The following CES5A variants were observed in gnomAD, a reference collection of about 807,000 sequenced individuals.
The protein encoded by CES5A is carboxylesterase 5A.
Under a neutral mutation model 62.9 loss-of-function variants are expected in CES5A, and 67 were observed. The observed-to-expected ratio is 1.07, with a 90% confidence interval of 0.88 to 1.31. The LOEUF is 1.31. CES5A is among the 50% of genes most tolerant of loss of function. The probability of loss-of-function intolerance (pLI) is 0.00; values close to 1 mark genes in which losing one functional copy is unlikely to be tolerated. For missense variants in CES5A, 748 were observed against 708.5 expected (o/e 1.06, Z -0.63); for synonymous variants, 296 against 280.8 (o/e 1.05, Z -0.54).
At position 55,871,625 on chromosome 16, in the gene CES5A, G is replaced by C. The variant is rs146474777; in HGVS notation, c.417C>G (p.Pro139=). The C allele has an allele frequency of 2.5e-5, 40 of 1,613,876 alleles. No homozygotes were observed. The highest frequency in any genetic ancestry group is 4.0e-5 in the African/African-American group (3 of 74,912). ...CGAAGCACACAGCAGGCAGCCTTAC[G>C]GGGAGCTTGGAGCCTGTATCGGCGT... ...PAHADTGSKL[P]VLVWFPGGAF... The change falls in exon 3 of 13, where the codon CCC becomes CCG. Residue 139 remains proline (P), a splice_region_variant and synonymous_variant. Coordinates refer to ENST00000290567, the MANE Select transcript of CES5A (RefSeq NM_001143685.2).
At chr16:55,938,735 C>CAAAA (rs1171756916) in intron 2 of CES5A, among the ~76,000 whole-genome samples, 2 of 29,130 alleles carry the variant, frequency 6.9e-5, no homozygotes, top group African/African-American at 2.0e-4. Context: ...GACTCCATCT[C>CAAAA]AAAAAAAAAA....
In CES5A at chr16:55,895,733, C is replaced by T. The variant is rs113900787; in HGVS notation, c.-255-21696G>A. ...TTGGATAGAATGATTGTATTTTACA[C>T]GTGAGAAGAACATGAGTTTGGGGGA... On this transcript the variant is annotated intron_variant, in intron 1 of 12. Coordinates refer to the CES5A transcript ENST00000518005. Among the ~76,000 whole-genome samples, 928 of 152,242 alleles carry T rather than the reference C, an allele frequency of 6.1e-3. 6 individuals are homozygous for T. Among genetic ancestry groups the T allele is most frequent in the Non-Finnish European group, 7.9e-3 (534 of 68,024 alleles).
intron 1 of CES5A, among the ~76,000 whole-genome samples, chr16:55,901,598 G>T (rs1349392895): frequency 6.6e-6 from 1 of 152,078 alleles, no homozygotes; most frequent in Admixed American, 6.5e-5. Flanking sequence ...TCCTTGGCTC[G>T]GGCCTCTCCA....
chr16:55,933,237 T>C (rs2034332726), intron 2 of CES5A, among the ~76,000 whole-genome samples: 1 of 152,140 alleles, frequency 6.6e-6, no homozygotes, highest in South Asian at 2.1e-4. Context: ...CCAGAACCAG[T>C]CACATGACTC....
intron 1 of CES5A, among the ~76,000 whole-genome samples, chr16:55,892,944 A>G (rs1484452016): frequency 6.6e-6 from 1 of 152,190 alleles, no homozygotes; most frequent in Admixed American, 6.5e-5. Context: ...GAGGCAGAGG[A>G]GTTGTGCAGG....
chr16:55,906,847 G>A (rs1160601185), intron 1 of CES5A, among the ~76,000 whole-genome samples: 1 of 152,206 alleles, frequency 6.6e-6, no homozygotes, highest in Non-Finnish European at 1.5e-5. Context: ...AGCATGGTGT[G>A]CTTGAGGCAC....
At chr16:55,908,419 G>T (rs976411053) in intron 1 of CES5A, among the ~76,000 whole-genome samples, 1 of 152,074 alleles carries the variant, frequency 6.6e-6, no homozygotes, top group Non-Finnish European at 1.5e-5. Flanking sequence ...GAGTGCAATG[G>T]TTGCAATCTT....
chr16:55,955,837 TACTC>T, intron 1 of CES5A: 1 of 1,536,006 alleles, frequency 6.5e-7, no homozygotes, highest in Non-Finnish European at 8.7e-7. Flanking sequence ...CTGTGGCTAA[TACTC>T]ACCTTTAGGC....
At chr16:55,905,001 T>C (rs2034025779) in intron 1 of CES5A, among the ~76,000 whole-genome samples, 1 of 152,216 alleles carries the variant, frequency 6.6e-6, no homozygotes, top group African/African-American at 2.4e-5. Flanking sequence ...TTGAATTGAA[T>C]AGATTGACAA....
chr16:55,894,146 A>G (rs1299360042), intron 1 of CES5A, among the ~76,000 whole-genome samples: 1 of 152,176 alleles, frequency 6.6e-6, no homozygotes, highest in African/African-American at 2.4e-5. Flanking sequence ...TTCAAAAATG[A>G]AGACAAAAAT....
rs2034331038 is a variant in CES5A at position 55,933,085 on chromosome 16, C to T, written c.160+16700G>A. On this transcript the variant is annotated intron_variant, in intron 2 of 13. Coordinates refer to the CES5A transcript ENST00000521992. ...AGAGTCCAGTGTGAATTGGGAAGTCCTTCATCTTGCAGCTCTACCATTTGG... is the reference window on the plus strand; with the variant it reads ...AGAGTCCAGTGTGAATTGGGAAGTCTTTCATCTTGCAGCTCTACCATTTGG... Among the ~76,000 whole-genome samples, 5 of 152,158 alleles carry T rather than the reference C, an allele frequency of 3.3e-5. No homozygotes were observed. In the South Asian group the frequency reaches 1.0e-3, roughly 32 times the overall value.
At chr16:55,938,174 A>G (rs1264119727) in intron 2 of CES5A, among the ~76,000 whole-genome samples, 1 of 152,210 alleles carries the variant, frequency 6.6e-6, no homozygotes, top group African/African-American at 2.4e-5. Flanking sequence ...AGGAAGCTGC[A>G]GCACATTTCC....
chr16:55,931,854 G>A (rs977069418), intron 2 of CES5A, among the ~76,000 whole-genome samples: 1 of 152,154 alleles, frequency 6.6e-6, no homozygotes, highest in Non-Finnish European at 1.5e-5. Context: ...ATCATGTGAT[G>A]CTTATGAAGC....
chr16:55,885,282 G>A (rs1227631491), intron 1 of CES5A, among the ~76,000 whole-genome samples: 5 of 152,118 alleles, frequency 3.3e-5, no homozygotes, highest in African/African-American at 1.2e-4. Context: ...AATCACCCAA[G>A]ATGATATCCT....
Position 55,884,968 on chromosome 16 carries a change from A to C in CES5A, c.-255-10931T>G, listed in dbSNP as rs114025247. 5.8e-3 allele frequency among the ~76,000 whole-genome samples: 888 copies of C among 152,270 alleles called. 12 individuals are homozygous for C. The highest frequency in any genetic ancestry group is 0.017 in the African/African-American group (686 of 41,568). On this transcript the variant is annotated intron_variant, in intron 1 of 12. Coordinates refer to the CES5A transcript ENST00000518005. ...TGGTGAAGTCTTCAGACTATAGTCC[A>C]ACTGTGTCTGCCCTCCTACTACTGC...
At chr16:55,889,658 C>A (rs1277920142) in intron 1 of CES5A, among the ~76,000 whole-genome samples, 4 of 151,394 alleles carry the variant, frequency 2.6e-5, no homozygotes, top group African/African-American at 9.8e-5. Flanking sequence ...CCAACCCAGT[C>A]CTTTTTTTTT....
chr16:55,950,704 A>G (rs188035894), intron 1 of CES5A, among the ~76,000 whole-genome samples: 336 of 152,162 alleles, frequency 2.2e-3, no homozygotes, highest in African/African-American at 7.7e-3. Context: ...TAATTGAGGC[A>G]AAGAAAAAAA....
chr16:55,935,274 G>A (rs1353821248), intron 2 of CES5A, among the ~76,000 whole-genome samples: 4 of 152,056 alleles, frequency 2.6e-5, no homozygotes, highest in Non-Finnish European at 4.4e-5. Context: ...TCCAAAAGGT[G>A]GAATAAAAAA....
intron 1 of CES5A, among the ~76,000 whole-genome samples, chr16:55,906,937 T>A (rs749518264): frequency 6.6e-6 from 1 of 152,238 alleles, no homozygotes; most frequent in African/African-American, 2.4e-5. Context: ...TGTTTCTCTG[T>A]GCCTCAGTTT....
Sources: gnomAD v4.1 joint callset for allele counts (sites outside exome capture counted in the v4.1 genomes callset) on GRCh38, gnomAD v4.1.1 for gene constraint, MANE v1.5 for transcripts, NCBI Gene and HGNC (gene_info 2026-07-23, HGNC 2026-07-21) for gene names.